The following FRMPD3 variants were observed in gnomAD, a reference collection of about 807,000 sequenced individuals.
FRMPD3 encodes FERM and PDZ domain-containing protein 3.
A neutral mutation model predicts 97.9 loss-of-function variants in FRMPD3; 42 were observed. That is an observed-to-expected ratio of 0.43 (90% CI 0.34 to 0.55). The LOEUF is 0.55. FRMPD3 is among the 20% of genes least tolerant of loss of function. The pLI is 0.03. For synonymous variants in FRMPD3, 577 were observed against 581.1 expected, an observed-to-expected ratio of 0.99 and a Z score of 0.10; for missense variants, 1,303 against 1,457.7, an observed-to-expected ratio of 0.89 and a Z score of 1.73.
intron 1 of FRMPD3, among the ~76,000 whole-genome samples, chrX:107,486,970 C>T (rs1413208439): frequency 5.5e-5 from 6 of 109,652 alleles, no homozygotes; most frequent in African/African-American, 2.0e-4. Context: ...TAGGGCCGGG[C>T]ATTGTGGCTC....
chrX:107,595,425 A>G (rs1398928647), intron 13 of FRMPD3, among the ~76,000 whole-genome samples: 1 of 111,339 alleles, frequency 9.0e-6, no homozygotes, highest in Non-Finnish European at 1.9e-5. Flanking sequence ...TATATTTTGT[A>G]TGATTTTATT....
intron 1 of FRMPD3, among the ~76,000 whole-genome samples, chrX:107,478,360 G>A (rs1921254595): frequency 9.0e-6 from 1 of 111,286 alleles, no homozygotes; most frequent in African/African-American, 3.3e-5. Flanking sequence ...GCCCAGAGAG[G>A]TAAGGTGACT....
At chrX:107,506,812 G>A (rs778571926) in intron 1 of FRMPD3, among the ~76,000 whole-genome samples, 1 of 111,750 alleles carries the variant, frequency 8.9e-6, no homozygotes, top group South Asian at 3.7e-4. Flanking sequence ...TGAGCCAGTC[G>A]CCTCCTTCTT....
chrX:107,566,914 G>C (rs1188720929), intron 12 of FRMPD3, among the ~76,000 whole-genome samples: 2 of 111,428 alleles, frequency 1.8e-5, no homozygotes, highest in East Asian at 5.6e-4. Context: ...CACAGTTGTG[G>C]GAATGAATGC....
rs148057481 is a variant in FRMPD3, at chrX:107,540,715, G to C, written c.298-5022G>C. ...CCAGCTGCTTGGAGAAAAAAATAGG[G>C]TCAGTGAAGAGCTCAAACATTCCAG... On this transcript the variant is annotated intron_variant, in intron 4 of 14. Transcript: ENST00000683843. 7.4e-3 allele frequency among the ~76,000 whole-genome samples: 823 copies of C among 111,910 alleles called. 4 individuals are homozygous for C. Among genetic ancestry groups the C allele is most frequent in the Middle Eastern group, 0.027 (6 of 219 alleles).
At chrX:107,480,254 T>A (rs1438711888) in intron 1 of FRMPD3, among the ~76,000 whole-genome samples, 1 of 111,045 alleles carries the variant, frequency 9.0e-6, no homozygotes, top group Non-Finnish European at 1.9e-5. Context: ...TGGAGTGTGG[T>A]GATGGAGAGG....
At chrX:107,476,366 C>T (rs975647731) in intron 1 of FRMPD3, among the ~76,000 whole-genome samples, 1 of 112,484 alleles carries the variant, frequency 8.9e-6, no homozygotes, top group African/African-American at 3.2e-5. Context: ...ATCAATAGAT[C>T]GAATACATTG....
At chrX:107,544,449 C>T (rs980671576) in intron 4 of FRMPD3, 30 of 112,103 alleles carry the variant, frequency 2.7e-4, no homozygotes, top group African/African-American at 9.1e-4. Context: ...TATTTTTCCT[C>T]AAAGTCCTTC....
chrX:107,578,153 A>C (rs977539284), intron 13 of FRMPD3, among the ~76,000 whole-genome samples: 1 of 112,121 alleles, frequency 8.9e-6, no homozygotes, highest in African/African-American at 3.2e-5. Context: ...GAGAAAATGA[A>C]AAGGGAAGAT....
At position 107,490,383 on chromosome X, in the gene FRMPD3, T is replaced by C. The variant is rs185409861; in HGVS notation, c.-7-36199T>C. Among the ~76,000 whole-genome samples, 379 of 112,317 alleles carry C rather than the reference T, an allele frequency of 3.4e-3. 4 individuals carry two copies. The highest frequency in any genetic ancestry group is 0.012 in the African/African-American group (358 of 30,924). ...TTTCCAATTCTGTGAAGAAAGTCAT[T>C]GGTAGCTTGATGGGGATGCATTGAA... On this transcript the variant is annotated intron_variant, in intron 1 of 14. Transcript: ENST00000683843.
chrX:107,530,944 GT>G, intron 3 of FRMPD3, among the ~76,000 whole-genome samples: 1 of 110,953 alleles, frequency 9.0e-6, no homozygotes, highest in East Asian at 2.8e-4. Flanking sequence ...TGGCCAATGG[GT>G]TGAGGAAGAG....
intron 1 of FRMPD3, among the ~76,000 whole-genome samples, chrX:107,473,491 A>C (rs1921117600): frequency 8.9e-6 from 1 of 111,929 alleles, no homozygotes. Context: ...TGATTTCAGG[A>C]TGTGATAGAG....
intron 3 of FRMPD3, among the ~76,000 whole-genome samples, chrX:107,532,322 C>A (rs1049327518): frequency 5.4e-5 from 6 of 111,978 alleles, no homozygotes; most frequent in Non-Finnish European, 7.5e-5. Flanking sequence ...GTGCAAAGGC[C>A]CTAAGGCCAG....
intron 10 of FRMPD3, 124 bp downstream of exon 10, chrX:107,560,977 A>T (rs1243463853): frequency 1.3e-6 from 1 of 772,660 alleles, no homozygotes; most frequent in African/African-American, 2.1e-5. Context: ...ACTCAGGTGC[A>T]CATACGGCTT....
chrX:107,548,877 G>A (rs188662837), intron 5 of FRMPD3, among the ~76,000 whole-genome samples: 1 of 111,530 alleles, frequency 9.0e-6, no homozygotes, highest in East Asian at 2.8e-4. Context: ...AATACGGTAA[G>A]AGCATTGTGA....
At chrX:107,593,166 C>T (rs1602859866) in intron 13 of FRMPD3, among the ~76,000 whole-genome samples, 2 of 111,261 alleles carry the variant, frequency 1.8e-5, no homozygotes, top group South Asian at 7.7e-4. Flanking sequence ...CACATTTTTC[C>T]CTATGCTCGG....
At chrX:107,579,049 A>G (rs759024211) in intron 13 of FRMPD3, among the ~76,000 whole-genome samples, 3 of 112,295 alleles carry the variant, frequency 2.7e-5, no homozygotes, top group Admixed American at 9.5e-5. Context: ...CCTTACTTTC[A>G]TCCCAGAACA....
chrX:107,545,741 C>G lies in FRMPD3; in HGVS notation c.302C>G (p.Pro101Arg), dbSNP rs1182309876. The G allele has an allele frequency of 8.3e-7, 1 of 1,206,121 alleles. No individual in the cohort carries two copies. The highest frequency in any genetic ancestry group is 1.1e-6 in the Non-Finnish European group (1 of 892,569). ...ATCTCTCTGTTCTTTTTCCAGTCCCCCAAATCTGCTTTCATCAGTGCTGCG... is the reference window on the plus strand; with the variant it reads ...ATCTCTCTGTTCTTTTTCCAGTCCCGCAAATCTGCTTTCATCAGTGCTGCG... ...VLTVLHTHQS[P>R]KSAFISAAKK... Residue 101 changes from proline to arginine, a missense_variant, in exon 5 of 15, where the codon CCC (proline) becomes CGC (arginine). Pro to Arg is a moderately radical substitution (Grantham distance 103, BLOSUM62 -2). Around this residue, in one of 3 missense-constraint regions of FRMPD3, gnomAD observed 535 missense variants for 618.6 expected, o/e 0.86. Transcript: ENST00000683843.
intron 1 of FRMPD3, among the ~76,000 whole-genome samples, chrX:107,517,285 G>C (rs1276994849): frequency 8.9e-6 from 1 of 112,007 alleles, no homozygotes; most frequent in Non-Finnish European, 1.9e-5. Flanking sequence ...TACAGATGTA[G>C]ACAGGGTAGT....
Sources: gnomAD v4.1 joint callset for allele counts (sites outside exome capture counted in the v4.1 genomes callset) on GRCh38, gnomAD v4.1.1 for gene constraint, gnomAD v4.1.1 regional missense constraint, MANE v1.5 for transcripts, NCBI Gene and HGNC (gene_info 2026-07-23, HGNC 2026-07-21) for gene names.